SKAP1: variants seen among roughly 807,000 people sequenced by gnomAD.
SKAP1 encodes the protein src kinase associated phosphoprotein 1.
A neutral mutation model predicts 58.5 loss-of-function variants in SKAP1; 44 were observed. The ratio of observed to expected loss-of-function variants is 0.75; its 90% CI spans 0.59 to 0.97. The LOEUF is 0.97. SKAP1 is among the 50% of genes least tolerant of loss of function. SKAP1 has a pLI of 0.00. For synonymous variants in SKAP1, 127 were observed against 149.7 expected (o/e 0.85, Z 1.11); for missense variants, 390 against 435.2 (o/e 0.90, Z 0.92).
In SKAP1 at chr17:48,315,444, T is replaced by C. The variant is rs180800377; in HGVS notation, c.280+30461A>G. 2.2e-4 allele frequency among the ~76,000 whole-genome samples: 33 copies of C among 152,112 alleles called. No homozygotes were observed. In the East Asian group the frequency reaches 6.4e-3, roughly 29 times the overall value. On this transcript the variant is annotated intron_variant, in intron 4 of 12. Coordinates refer to ENST00000336915, the MANE Select transcript of SKAP1 (RefSeq NM_003726.4). ...AAAAGAATAACAGGACAAAAATAAT[T>C]ATGACAATTTCCAAAGAAAAGACGT...
At chr17:48,204,506 A>G (rs922803199) in intron 4 of SKAP1, 2 of 152,136 alleles carry the variant, frequency 1.3e-5, no homozygotes, top group African/African-American at 4.8e-5. Context: ...CCTAACTATA[A>G]AGTCAAGATG....
At position 48,264,404 on chromosome 17, in the gene SKAP1, T is replaced by G. The variant is rs141194057; in HGVS notation, c.281-74904A>C. ...TAATGAGTTTAATTCCCAGGCCACA[T>G]TACTGTGGTATATGAGATTCAATGT... On this transcript the variant is annotated intron_variant, in intron 4 of 12. Coordinates refer to ENST00000336915, the MANE Select transcript of SKAP1 (RefSeq NM_003726.4). Among the ~76,000 whole-genome samples, 196 of 152,316 alleles carry G rather than the reference T, an allele frequency of 1.3e-3. 1 individual carries two copies. Among genetic ancestry groups the G allele is most frequent in the African/African-American group, 4.4e-3 (182 of 41,566 alleles).
intron 1 of SKAP1, among the ~76,000 whole-genome samples, chr17:48,408,010 G>T (rs1325454900): frequency 6.6e-6 from 1 of 152,104 alleles, no homozygotes; most frequent in African/African-American, 2.4e-5. Flanking sequence ...CAAAAATTAG[G>T]CAGAGTAAAA....
intron 11 of SKAP1, among the ~76,000 whole-genome samples, chr17:48,146,921 G>T (rs983105506): frequency 6.6e-6 from 1 of 152,148 alleles, no homozygotes; most frequent in East Asian, 1.9e-4. Flanking sequence ...GAGCCACTGC[G>T]CCTGGCCAAG....
intron 4 of SKAP1, among the ~76,000 whole-genome samples, chr17:48,276,098 G>A (rs902150045): frequency 7.9e-5 from 12 of 152,114 alleles, no homozygotes; most frequent in African/African-American, 2.2e-4. Context: ...ACTATCAACC[G>A]TAGGTGACAG....
At chr17:48,444,133 G>A in the SKAP1 span, among the ~76,000 whole-genome samples, 1 of 99,310 alleles carries the variant, frequency 1.0e-5, no homozygotes, top group Admixed American at 9.2e-5. Flanking sequence ...AGTGACTCAC[G>A]CCTGTAATCC....
chr17:48,436,416 A>G, the SKAP1 span, among the ~76,000 whole-genome samples: 2 of 152,090 alleles, frequency 1.3e-5, no homozygotes, highest in African/African-American at 4.8e-5. Context: ...CTGGACTCCC[A>G]TTCCCACAAC....
chr17:48,200,782 T>C (rs2064718029), intron 4 of SKAP1, among the ~76,000 whole-genome samples: 1 of 152,252 alleles, frequency 6.6e-6, no homozygotes, highest in Non-Finnish European at 1.5e-5. Context: ...AATTATTTAA[T>C]TTCTGGAAGC....
chr17:48,216,730 G>A (rs2064944829), intron 4 of SKAP1, among the ~76,000 whole-genome samples: 1 of 152,116 alleles, frequency 6.6e-6, no homozygotes, highest in Non-Finnish European at 1.5e-5. Flanking sequence ...GAGCTCAAGC[G>A]ATTCAACCAC....
At chr17:48,415,567 C>T (rs1219525153) in intron 1 of SKAP1, among the ~76,000 whole-genome samples, 1 of 152,128 alleles carries the variant, frequency 6.6e-6, no homozygotes, top group African/African-American at 2.4e-5. Context: ...GGTTGGCAGT[C>T]ACACTCTCAA....
chr17:48,325,131 C>G (rs1444098480), intron 4 of SKAP1, among the ~76,000 whole-genome samples: 1 of 151,804 alleles, frequency 6.6e-6, no homozygotes, highest in African/African-American at 2.4e-5. Context: ...CGCCTGTAGT[C>G]CCAGCTACTC....
chr17:48,262,920 T>C (rs953666732), intron 4 of SKAP1, among the ~76,000 whole-genome samples: 9 of 152,228 alleles, frequency 5.9e-5, no homozygotes, highest in Non-Finnish European at 1.2e-4. Context: ...TTTGAAATGT[T>C]GTCAGCAAGG....
chr17:48,386,889 A>G (rs1430980013), intron 2 of SKAP1, among the ~76,000 whole-genome samples: 1 of 152,260 alleles, frequency 6.6e-6, no homozygotes, highest in Non-Finnish European at 1.5e-5. Context: ...GCACCTAAAT[A>G]TTCAGTAGAA....
intron 4 of SKAP1, among the ~76,000 whole-genome samples, chr17:48,198,570 C>T (rs2064678516): frequency 6.7e-6 from 1 of 150,340 alleles, no homozygotes; most frequent in Non-Finnish European, 1.5e-5. Context: ...TAACTTATAG[C>T]TTATCCTATG....
intron 4 of SKAP1, among the ~76,000 whole-genome samples, chr17:48,286,028 G>T (rs1047370070): frequency 6.6e-6 from 1 of 152,200 alleles, no homozygotes; most frequent in East Asian, 1.9e-4. Flanking sequence ...CACATAAAGG[G>T]CTCTCAATAA....
intron 1 of SKAP1, among the ~76,000 whole-genome samples, chr17:48,407,754 T>TG (rs2067606429): frequency 6.6e-6 from 1 of 151,788 alleles, no homozygotes; most frequent in East Asian, 1.9e-4. Context: ...CTTTGAAGGC[T>TG]GAGGCAAGAG....
intron 2 of SKAP1, among the ~76,000 whole-genome samples, chr17:48,376,940 C>T (rs1038479496): frequency 6.6e-6 from 1 of 151,868 alleles, no homozygotes; most frequent in Non-Finnish European, 1.5e-5. Flanking sequence ...AGGGGAGGGT[C>T]GGGTCACAGA....
At chr17:48,413,412 G>A (rs2067689836) in intron 1 of SKAP1, among the ~76,000 whole-genome samples, 1 of 150,402 alleles carries the variant, frequency 6.6e-6, no homozygotes, top group Admixed American at 6.7e-5. Flanking sequence ...TACCAGAAAG[G>A]CTAAGGCAGG....
At chr17:48,245,489 T>C (rs751126501) in intron 4 of SKAP1, among the ~76,000 whole-genome samples, 24 of 152,214 alleles carry the variant, frequency 1.6e-4, no homozygotes, top group Non-Finnish European at 2.9e-4. Flanking sequence ...CACTCAATCT[T>C]TCAATTTTTA....
Sources: gnomAD v4.1 joint callset for allele counts (sites outside exome capture counted in the v4.1 genomes callset) on GRCh38, gnomAD v4.1.1 for gene constraint, MANE v1.5 for transcripts, NCBI Gene and HGNC (gene_info 2026-07-23, HGNC 2026-07-21) for gene names.